Variants in RAMP1 observed in about 807,000 individuals in gnomAD.
The protein encoded by RAMP1 is receptor activity modifying protein 1.
In RAMP1, 7 loss-of-function variants were observed where a neutral mutation model predicts 8.2. The ratio of observed to expected loss-of-function variants is 0.85; its 90% CI spans 0.49 to 1.60. The LOEUF (loss-of-function observed/expected upper bound fraction) is 1.60, where lower values mean the gene tolerates loss of function less well. RAMP1 is among the 40% of genes most tolerant of loss of function. RAMP1 has a pLI of 0.00. For missense variants in RAMP1, 192 were observed against 202.4 expected (o/e 0.95, Z 0.31); for synonymous variants, 92 against 84.7 (o/e 1.09, Z -0.47).
chr2:237,899,115 T>A (rs576204359), intron 2 of RAMP1, among the ~76,000 whole-genome samples: 8 of 151,810 alleles, frequency 5.3e-5, no homozygotes, highest in Non-Finnish European at 1.2e-4. Flanking sequence ...CTGTCACCCA[T>A]GCTGGAGTGC....
chr2:237,863,253 G>T, intron 1 of RAMP1, among the ~76,000 whole-genome samples: 1 of 152,314 alleles, frequency 6.6e-6, no homozygotes, highest in South Asian at 2.1e-4. Context: ...GCTGGACCAT[G>T]TGCCCACTGC....
At chr2:237,891,761 G>T (rs2062490537) in intron 2 of RAMP1, among the ~76,000 whole-genome samples, 1 of 152,022 alleles carries the variant, frequency 6.6e-6, no homozygotes, top group African/African-American at 2.4e-5. Context: ...TTGATCTTCA[G>T]CTCCTTTATG....
Position 237,898,886 on chromosome 2 carries a change from C to T in RAMP1, c.192-12642C>T, listed in dbSNP as rs568489683. On this transcript the variant is annotated intron_variant, in intron 2 of 2. Coordinates refer to ENST00000254661, the MANE Select transcript of RAMP1 (RefSeq NM_005855.4). The stretch of plus-strand genomic sequence containing the variant: ...TGGCGCAGTAAGTGGCCAGCCCCTC[C>T]CTGCTTTGGAAAGGTCCCGCTATTC... Among the ~76,000 whole-genome samples, 31 of 152,338 alleles carry T rather than the reference C, an allele frequency of 2.0e-4. 1 individual carries two copies. The South Asian group carries it at 6.4e-3, about 32-fold the overall frequency.
chr2:237,875,084 G>C (rs943393016), intron 1 of RAMP1, among the ~76,000 whole-genome samples: 24 of 152,296 alleles, frequency 1.6e-4, no homozygotes, highest in African/African-American at 5.3e-4. Context: ...CCTTCCCTGA[G>C]TTGACAAGTC....
chr2:237,895,881 T>A (rs2062537622), intron 2 of RAMP1, among the ~76,000 whole-genome samples: 1 of 152,128 alleles, frequency 6.6e-6, no homozygotes, highest in African/African-American at 2.4e-5. Context: ...CTCGGACACA[T>A]GTCACACCCA....
chr2:237,885,603 T>G (rs1336459955), intron 2 of RAMP1, among the ~76,000 whole-genome samples: 1 of 152,210 alleles, frequency 6.6e-6, no homozygotes, highest in African/African-American at 2.4e-5. Context: ...ACAGGACAGA[T>G]GGCAGTGCCC....
At chr2:237,882,524 C>A (rs73092523) in intron 2 of RAMP1, among the ~76,000 whole-genome samples, 4,291 of 152,176 alleles carry the variant, frequency 0.028, 198 homozygotes, top group African/African-American at 0.097. Context: ...TGGTTCCCGG[C>A]GGAGGTGGAG....
chr2:237,907,798 TC>T (rs2062668049), intron 2 of RAMP1, among the ~76,000 whole-genome samples: 1 of 152,240 alleles, frequency 6.6e-6, no homozygotes. Flanking sequence ...TGAGTCTAAC[TC>T]CATTCATTGT....
intron 2 of RAMP1, among the ~76,000 whole-genome samples, chr2:237,885,877 AC>A (rs1345269725): frequency 5.9e-5 from 9 of 152,012 alleles, no homozygotes; most frequent in East Asian, 5.8e-4. Context: ...CCGGCTGCTG[AC>A]CCCTGACCTC....
chr2:237,869,437 AC>A (rs2062222891), intron 1 of RAMP1, among the ~76,000 whole-genome samples: 1 of 151,810 alleles, frequency 6.6e-6, no homozygotes, highest in African/African-American at 2.4e-5. Flanking sequence ...TTAAACACTA[AC>A]CCCCTGCTGA....
At chr2:237,903,862 T>C (rs776926181) in intron 2 of RAMP1, among the ~76,000 whole-genome samples, 1 of 152,182 alleles carries the variant, frequency 6.6e-6, no homozygotes, top group East Asian at 1.9e-4. Flanking sequence ...GCCCGGCTAA[T>C]TTTTTGTATT....
chr2:237,897,079 C>T (rs796776268), intron 2 of RAMP1, among the ~76,000 whole-genome samples: 3 of 152,312 alleles, frequency 2.0e-5, no homozygotes, highest in Non-Finnish European at 2.9e-5. Flanking sequence ...TGCAGCTCAC[C>T]GGATGCTCCC....
intron 2 of RAMP1, among the ~76,000 whole-genome samples, chr2:237,895,925 C>G (rs2062538188): frequency 6.6e-6 from 1 of 152,170 alleles, no homozygotes; most frequent in Admixed American, 6.5e-5. Flanking sequence ...GGGGCCTGGA[C>G]AGGCCTGAGT....
At chr2:237,863,122 C>T (rs903263698) in intron 1 of RAMP1, among the ~76,000 whole-genome samples, 1 of 152,164 alleles carries the variant, frequency 6.6e-6, no homozygotes, top group Non-Finnish European at 1.5e-5. Context: ...AGAGCCTCCT[C>T]CTCCACTGGG....
At chr2:237,867,784 G>A (rs550723589) in intron 1 of RAMP1, among the ~76,000 whole-genome samples, 1 of 152,324 alleles carries the variant, frequency 6.6e-6, no homozygotes, top group East Asian at 1.9e-4. Flanking sequence ...CGTTCTTCCT[G>A]AGTGAGCTTG....
At chr2:237,891,154 C>CTTT (rs1169507970) in intron 2 of RAMP1, among the ~76,000 whole-genome samples, 1 of 143,722 alleles carries the variant, frequency 7.0e-6, no homozygotes, top group African/African-American at 2.6e-5. Flanking sequence ...ATTGTATTCT[C>CTTT]TTTTTTTTTT....
At chr2:237,864,027 G>A (rs1002069428) in intron 1 of RAMP1, among the ~76,000 whole-genome samples, 9 of 151,876 alleles carry the variant, frequency 5.9e-5, no homozygotes, top group Non-Finnish European at 8.8e-5. Context: ...CTCAGGGTAC[G>A]TTAGTGTCAC....
chr2:237,869,683 T>C (rs2151004619), intron 1 of RAMP1, among the ~76,000 whole-genome samples: 1 of 152,358 alleles, frequency 6.6e-6, no homozygotes, highest in South Asian at 2.1e-4. Flanking sequence ...GTGGGTTGCT[T>C]CCACTTCTGG....
chr2:237,901,187 G>A (rs181674192), intron 2 of RAMP1, among the ~76,000 whole-genome samples: 4 of 152,344 alleles, frequency 2.6e-5, no homozygotes, highest in South Asian at 2.1e-4. Flanking sequence ...TTCTGTCTGC[G>A]TCTCCTGGGT....
Sources: allele counts gnomAD v4.1 joint callset (sites outside exome capture counted in the v4.1 genomes callset), GRCh38; gene constraint gnomAD v4.1.1; transcripts MANE v1.5; gene names NCBI Gene and HGNC (gene_info 2026-07-23, HGNC 2026-07-21).